SNX29: variants seen among roughly 807,000 people sequenced by gnomAD.
The protein encoded by SNX29 is sorting nexin 29.
Under a neutral mutation model 102.1 loss-of-function variants are expected in SNX29, and 78 were observed. That is an observed-to-expected ratio of 0.76 (90% CI 0.64 to 0.92). The LOEUF is 0.92. Among genes scored for constraint, SNX29 ranks in the 40% least tolerant of loss-of-function variants. The pLI is 0.00. For synonymous variants in SNX29, 580 were observed against 414.5 expected, an observed-to-expected ratio of 1.40 and a Z score of -4.85; for missense variants, 1,280 against 1,061.7, an observed-to-expected ratio of 1.21 and a Z score of -2.86.
chr16:12,359,403 C>T (rs2082237014), intron 16 of SNX29, among the ~76,000 whole-genome samples: 1 of 152,220 alleles, frequency 6.6e-6, no homozygotes, highest in South Asian at 2.1e-4. Flanking sequence ...GGTTGCCTAT[C>T]TTTTCATTTG....
rs760280875 is a variant in SNX29 at position 12,524,791 on chromosome 16, C to T, written c.2268C>T (p.Phe756=). 7.4e-6 allele frequency: 12 copies of T among 1,613,750 alleles called. No homozygotes were observed. Among genetic ancestry groups the T allele is most frequent in the South Asian group, 3.3e-5 (3 of 91,060 alleles). ...AAGTCATCCAGATGGTCCCCGAGTTCGCTGCCAGCCCCAAGAAGGAGACCC... is the reference window on the plus strand; with the variant it reads ...AAGTCATCCAGATGGTCCCCGAGTTTGCTGCCAGCCCCAAGAAGGAGACCC... ...MNKVIQMVPE[F]AASPKKETLI... is the part of the protein sequence containing the mutation. Residue 756 remains phenylalanine, a synonymous_variant, in exon 20 of 21, where the codon TTC becomes TTT. Coordinates refer to ENST00000566228, the MANE Select transcript of SNX29 (RefSeq NM_032167.5).
chr16:12,006,562 T>G (rs2056460888), intron 3 of SNX29, among the ~76,000 whole-genome samples: 1 of 150,584 alleles, frequency 6.6e-6, no homozygotes, highest in Non-Finnish European at 1.5e-5. Flanking sequence ...AGTTTGTGAC[T>G]ACTTTTGCTA....
intron 9 of SNX29, among the ~76,000 whole-genome samples, chr16:12,063,928 C>A (rs565663855): frequency 6.6e-6 from 1 of 151,976 alleles, no homozygotes; most frequent in African/African-American, 2.4e-5. Flanking sequence ...GCCTGTTCAG[C>A]GGCAGTGTAG....
At chr16:12,271,368 C>T (rs141583173) in intron 14 of SNX29, among the ~76,000 whole-genome samples, 72 of 152,272 alleles carry the variant, frequency 4.7e-4, no homozygotes, top group Admixed American at 1.2e-3. Flanking sequence ...AGGTTCTCTC[C>T]GTAGGAAGCT....
At chr16:12,425,545 TAAAA>T (rs869054147) in intron 18 of SNX29, among the ~76,000 whole-genome samples, 2 of 31,366 alleles carry the variant, frequency 6.4e-5, no homozygotes, top group African/African-American at 1.7e-4. Flanking sequence ...AAAAAAAAAA[TAAAA>T]AAAATAAAAA....
rs566867671 is a variant in SNX29, at chr16:12,427,907, A to G, written c.2037+24378A>G. Among the ~76,000 whole-genome samples the G allele has an allele frequency of 1.2e-4, 18 of 152,370 alleles. 1 individual carries two copies. The South Asian group carries it at 3.3e-3, about 28-fold the overall frequency. ...GCAGTTGCTAAATAAGATCAGACAA[A>G]GCACTTAAACTCCAATTTAGCAGTT... On this transcript the variant is annotated intron_variant, in intron 18 of 20. Transcript: ENST00000566228.
At chr16:12,557,891 C>G (rs4781254) in intron 20 of SNX29, among the ~76,000 whole-genome samples, 145,524 of 152,188 alleles carry the variant, frequency 0.96, 69,713 homozygotes, top group Middle Eastern at 0.99. Flanking sequence ...CCTCTGCAGG[C>G]AACTGGAGGA....
At chr16:12,555,321 G>A (rs752961372) in intron 20 of SNX29, among the ~76,000 whole-genome samples, 5 of 151,662 alleles carry the variant, frequency 3.3e-5, no homozygotes, top group Admixed American at 6.6e-5. Flanking sequence ...CATAGCCCCA[G>A]TGTTTCTTGG....
chr16:12,507,599 T>C (rs1432207158), intron 19 of SNX29, among the ~76,000 whole-genome samples: 1 of 152,174 alleles, frequency 6.6e-6, no homozygotes, highest in Non-Finnish European at 1.5e-5. Flanking sequence ...AACAAACTTT[T>C]TCTGCAAAGG....
intron 14 of SNX29, among the ~76,000 whole-genome samples, chr16:12,260,863 T>C (rs181981558): frequency 0.022 from 2,113 of 93,970 alleles, 33 homozygotes; most frequent in Middle Eastern, 0.065. Flanking sequence ...ATGTTTGCTC[T>C]GAGCTTGGGT....
At chr16:12,058,720 C>T (rs2050631000) in intron 8 of SNX29, among the ~76,000 whole-genome samples, 1 of 150,890 alleles carries the variant, frequency 6.6e-6, no homozygotes, top group Non-Finnish European at 1.5e-5. Context: ...TCTTGAACTC[C>T]TGACCTCAGG....
At chr16:12,092,634 A>G (rs1441616037) in intron 11 of SNX29, among the ~76,000 whole-genome samples, 2 of 152,216 alleles carry the variant, frequency 1.3e-5, no homozygotes, top group African/African-American at 4.8e-5. Flanking sequence ...TCTGTGCCTC[A>G]GTTTCGCAAG....
intron 20 of SNX29, among the ~76,000 whole-genome samples, chr16:12,561,983 C>G (rs539041357): frequency 1.5e-3 from 227 of 152,240 alleles, no homozygotes; most frequent in South Asian, 2.9e-3. Context: ...TGTCTACCAG[C>G]TTGGTGACAA....
chr16:12,246,875 T>C (rs961931598), intron 14 of SNX29, among the ~76,000 whole-genome samples: 2 of 152,062 alleles, frequency 1.3e-5, no homozygotes, highest in African/African-American at 4.8e-5. Context: ...GGAACTCAGG[T>C]CTGTGGGAGA....
chr16:12,378,473 A>C (rs2082956556), intron 16 of SNX29, among the ~76,000 whole-genome samples: 1 of 152,174 alleles, frequency 6.6e-6, no homozygotes, highest in African/African-American at 2.4e-5. Context: ...AATATGGTGA[A>C]CCTTGTTTCT....
At chr16:12,200,763 G>T (rs1332055021) in intron 14 of SNX29, among the ~76,000 whole-genome samples, 1 of 152,176 alleles carries the variant, frequency 6.6e-6, no homozygotes, top group Non-Finnish European at 1.5e-5. Flanking sequence ...GGGATTACAG[G>T]CATGAGCCAC....
intron 14 of SNX29, among the ~76,000 whole-genome samples, chr16:12,202,628 C>T (rs530036908): frequency 2.0e-5 from 3 of 152,178 alleles, no homozygotes; most frequent in Admixed American, 6.5e-5. Context: ...CCTTTCTCCT[C>T]GCCACGGAGC....
At chr16:12,498,738 G>A (rs1023416306) in intron 19 of SNX29, among the ~76,000 whole-genome samples, 1 of 152,202 alleles carries the variant, frequency 6.6e-6, no homozygotes, top group African/African-American at 2.4e-5. Flanking sequence ...TCTAAGTCAG[G>A]TCATAGGAGG....
At chr16:12,020,996 A>C (rs2057002696) in intron 3 of SNX29, among the ~76,000 whole-genome samples, 1 of 152,208 alleles carries the variant, frequency 6.6e-6, no homozygotes, top group African/African-American at 2.4e-5. Context: ...TATGGCTCAT[A>C]CTGTTGATTG....
Sources: gnomAD v4.1 joint callset for allele counts (sites outside exome capture counted in the v4.1 genomes callset) on GRCh38, gnomAD v4.1.1 for gene constraint, MANE v1.5 for transcripts, NCBI Gene and HGNC (gene_info 2026-07-23, HGNC 2026-07-21) for gene names.